The following TRIM2 variants were observed in gnomAD, a reference collection of about 807,000 sequenced individuals.
TRIM2 encodes the protein tripartite motif containing 2, also known as tripartite motif-containing protein 2.
In TRIM2, 20 loss-of-function variants were observed where a neutral mutation model predicts 75.2. The ratio of observed to expected loss-of-function variants is 0.27; its 90% CI spans 0.19 to 0.39. The LOEUF is 0.39. Among genes scored for constraint, TRIM2 ranks in the 10% least tolerant of loss-of-function variants. The pLI, the probability that TRIM2 is intolerant of heterozygous loss-of-function variation, is 1.00. For synonymous variants in TRIM2, 373 were observed against 388.3 expected (o/e 0.96, Z 0.46); for missense variants, 660 against 990.8 (o/e 0.67, Z 4.48).
At chr4:153,192,960 A>C (rs1733362470) in intron 1 of TRIM2, among the ~76,000 whole-genome samples, 1 of 151,932 alleles carries the variant, frequency 6.6e-6, no homozygotes, top group Non-Finnish European at 1.5e-5. Flanking sequence ...AAGCTGTTTT[A>C]TTTTTCCTGG....
rs34416658 is a variant in TRIM2 at position 153,247,995 on chromosome 4, GT to G, written c.31-22322del. Among the ~76,000 whole-genome samples, 697 of 128,686 alleles carry G rather than the reference GT, an allele frequency of 5.4e-3. 3 individuals are homozygous for G. The highest frequency in any genetic ancestry group is 0.016 in the African/African-American group (540 of 33,524). 84.4% of individuals were successfully genotyped at this position (128,686 alleles called of 152,430 possible). A position where few individuals can be genotyped will look rare whatever the true frequency, so the allele number is the denominator to read the frequency against. On this transcript the variant is annotated intron_variant, in intron 1 of 11. Transcript: ENST00000338700. ...TGATGCATCAGGCATTGGATCATGT[GT>G]TTTTTTTTTTTTTTTTTGAGATGGA...
intron 1 of TRIM2, among the ~76,000 whole-genome samples, chr4:153,221,779 GAAGAA>G (rs1740125383): frequency 2.5e-5 from 3 of 119,536 alleles, no homozygotes; most frequent in South Asian, 3.5e-4. Flanking sequence ...AGGAAGGAAA[GAAGAA>G]AAGGAAGGAA....
chr4:153,249,551 G>A (rs1290638718), intron 1 of TRIM2, among the ~76,000 whole-genome samples: 2 of 151,578 alleles, frequency 1.3e-5, no homozygotes, highest in Non-Finnish European at 1.5e-5. Context: ...AGCATGTGTG[G>A]AAGAGGCAGG....
chr4:153,187,826 C>G (rs1042932462), intron 1 of TRIM2, among the ~76,000 whole-genome samples: 10 of 152,284 alleles, frequency 6.6e-5, no homozygotes, highest in Admixed American at 3.3e-4. Flanking sequence ...CACAGCAGAG[C>G]CATCTCCAAG....
At chr4:153,266,979 T>G (rs957087681) in intron 1 of TRIM2, 3 of 151,226 alleles carry the variant, frequency 2.0e-5, no homozygotes, top group African/African-American at 7.3e-5. Flanking sequence ...TGTGATCGGT[T>G]ACCTGTAAAC....
chr4:153,256,982 G>A (rs930464977), intron 1 of TRIM2, among the ~76,000 whole-genome samples: 2 of 152,144 alleles, frequency 1.3e-5, no homozygotes, highest in African/African-American at 4.8e-5. Context: ...GACATCTAAG[G>A]AAATCAGTCG....
chr4:153,311,917 TA>T (rs202178994), intron 6 of TRIM2, among the ~76,000 whole-genome samples: 2,160 of 150,180 alleles, frequency 0.014, 47 homozygotes, highest in East Asian at 0.074. Context: ...TTTATTTATT[TA>T]TTTATTATTA....
intron 1 of TRIM2, among the ~76,000 whole-genome samples, chr4:153,195,149 G>A (rs1015703116): frequency 2.6e-5 from 4 of 152,176 alleles, no homozygotes; most frequent in Non-Finnish European, 4.4e-5. Context: ...GATAGAAAAG[G>A]ACAGAGACAC....
upstream of TRIM2, among the ~76,000 whole-genome samples, chr4:153,203,394 T>TACACACAC (rs35049904): frequency 6.0e-3 from 851 of 141,372 alleles, 7 homozygotes; most frequent in South Asian, 0.026. Flanking sequence ...CCCACATCTC[T>TACACACAC]ACACACACAC....
intron 1 of TRIM2, among the ~76,000 whole-genome samples, chr4:153,241,216 A>G (rs1426009338): frequency 6.6e-6 from 1 of 152,232 alleles, no homozygotes; most frequent in Admixed American, 6.5e-5. Context: ...GATCATAACA[A>G]GTAGTTCTGA....
intron 3 of TRIM2, among the ~76,000 whole-genome samples, chr4:153,277,953 T>C (rs1321942123): frequency 6.6e-6 from 1 of 152,236 alleles, no homozygotes; most frequent in Non-Finnish European, 1.5e-5. Context: ...AGGCTGTCTA[T>C]GCCTGGAGCT....
At chr4:153,330,486 A>G (rs1771212402) in intron 11 of TRIM2, among the ~76,000 whole-genome samples, 1 of 152,188 alleles carries the variant, frequency 6.6e-6, no homozygotes, top group Non-Finnish European at 1.5e-5. Flanking sequence ...GGAATGCAAG[A>G]CTGGTTTAGT....
intron 1 of TRIM2, among the ~76,000 whole-genome samples, chr4:153,155,510 GA>G (rs1165289122): frequency 4.6e-5 from 7 of 152,182 alleles, no homozygotes; most frequent in Non-Finnish European, 8.8e-5. Context: ...AGAGAAGGTG[GA>G]GTGGCGACTT....
chr4:153,239,416 G>C (rs1745914909), intron 1 of TRIM2, among the ~76,000 whole-genome samples: 1 of 145,076 alleles, frequency 6.9e-6, no homozygotes, highest in African/African-American at 2.8e-5. Context: ...CATAAAGATA[G>C]TGCTCTCTCT....
intron 2 of TRIM2, among the ~76,000 whole-genome samples, chr4:153,274,500 G>A (rs191621373): frequency 6.6e-6 from 1 of 152,348 alleles, no homozygotes; most frequent in African/African-American, 2.4e-5. Context: ...GGACCTGCAA[G>A]ACATCTAAGA....
chr4:153,258,528 G>A (rs1408353598), intron 1 of TRIM2, among the ~76,000 whole-genome samples: 1 of 152,066 alleles, frequency 6.6e-6, no homozygotes, highest in African/African-American at 2.4e-5. Flanking sequence ...TTCTTTTGGG[G>A]GGATAGGAGA....
rs190514793 is a variant in TRIM2 at position 153,247,703 on chromosome 4, T to C, written c.31-22632T>C. On this transcript the variant is annotated intron_variant, in intron 1 of 11. Coordinates refer to ENST00000338700, the MANE Select transcript of TRIM2 (RefSeq NM_015271.5). Reference sequence around the variant, plus strand: ...AAAAAAAAAAAAAAAAAAAAAAAACTGTATAGGCATATCTCTTCTGATTTT... The same window carrying C: ...AAAAAAAAAAAAAAAAAAAAAAAACCGTATAGGCATATCTCTTCTGATTTT... Among the ~76,000 whole-genome samples, 573 of 120,398 alleles carry C rather than the reference T, an allele frequency of 4.8e-3. 4 individuals are homozygous for C. Among genetic ancestry groups the C allele is most frequent in the African/African-American group, 0.014 (478 of 34,018 alleles). The allele number at this position is 120,398 out of a possible 152,430, so 79.0% of individuals were successfully genotyped here.
At chr4:153,193,944 G>T (rs1243943011) in intron 1 of TRIM2, among the ~76,000 whole-genome samples, 1 of 152,096 alleles carries the variant, frequency 6.6e-6, no homozygotes, top group Non-Finnish European at 1.5e-5. Flanking sequence ...GGGATGCGGG[G>T]CCCCCAGGAT....
intron 1 of TRIM2, among the ~76,000 whole-genome samples, chr4:153,160,891 G>A (rs923949718): frequency 2.0e-5 from 3 of 152,082 alleles, no homozygotes; most frequent in Non-Finnish European, 2.9e-5. Context: ...TTACAGGCGT[G>A]AGCCACCATG....
Sources: gnomAD v4.1 joint callset for allele counts (sites outside exome capture counted in the v4.1 genomes callset) on GRCh38, gnomAD v4.1.1 for gene constraint, MANE v1.5 for transcripts, NCBI Gene and HGNC (gene_info 2026-07-23, HGNC 2026-07-21) for gene names.